The following BSDC1 variants were observed in gnomAD, a reference collection of about 807,000 sequenced individuals.
BSDC1 encodes BSD domain containing 1.
Under a neutral mutation model 56.0 loss-of-function variants are expected in BSDC1, and 29 were observed. The ratio of observed to expected loss-of-function variants is 0.52; its 90% confidence interval spans 0.39 to 0.71. The LOEUF (loss-of-function observed/expected upper bound fraction) is 0.71. Ranked by LOEUF, BSDC1 falls within the 30% of genes least tolerant of loss-of-function variation. The pLI, the probability that BSDC1 is intolerant of heterozygous loss-of-function variation, is 0.00. For synonymous variants in BSDC1, 210 were observed against 215.3 expected (o/e 0.98, Z 0.21); for missense variants, 477 against 548.5 (o/e 0.87, Z 1.30).
intron 10 of BSDC1, 102 bp downstream of exon 10, chr1:32,368,345 G>C: frequency 6.2e-7 from 1 of 1,613,952 alleles, no homozygotes; most frequent in African/African-American, 1.3e-5. Flanking sequence ...ACCTCAGACA[G>C]GAGCAGGGAC....
intron 9 of BSDC1, among the ~76,000 whole-genome samples, chr1:32,372,150 T>C (rs1642116145): frequency 6.6e-6 from 1 of 152,262 alleles, no homozygotes; most frequent in Non-Finnish European, 1.5e-5. Flanking sequence ...TAATGAATGG[T>C]GCTGCCTTTC....
chr1:32,379,486 G>A (rs1389053801), intron 5 of BSDC1, among the ~76,000 whole-genome samples: 2 of 151,984 alleles, frequency 1.3e-5, no homozygotes, highest in South Asian at 2.1e-4. Flanking sequence ...CAAACACACC[G>A]TGTGCTCATT....
chr1:32,367,677 C>T (rs1050345375), intron 10 of BSDC1: 1 of 985,552 alleles, frequency 1.0e-6, no homozygotes, highest in Non-Finnish European at 1.2e-6. Context: ...CTAAATGAGC[C>T]ACTTTTGATT....
intron 2 of BSDC1, among the ~76,000 whole-genome samples, chr1:32,393,024 T>G (rs1182881747): frequency 1.3e-5 from 2 of 152,174 alleles, no homozygotes; most frequent in Non-Finnish European, 2.9e-5. Context: ...AGACCGCACC[T>G]GTGCACTCCA....
At chr1:32,391,723 G>A (rs1423777825) in intron 2 of BSDC1, among the ~76,000 whole-genome samples, 1 of 152,126 alleles carries the variant, frequency 6.6e-6, no homozygotes, top group Non-Finnish European at 1.5e-5. Context: ...TGGTCTTCAG[G>A]GCAATGTGTT....
At chr1:32,377,518 G>A (rs1642336242) in intron 8 of BSDC1, among the ~76,000 whole-genome samples, 1 of 152,140 alleles carries the variant, frequency 6.6e-6, no homozygotes. Context: ...CATCCAGAAG[G>A]CTTCAACATG....
At chr1:32,388,401 A>G (rs1642745168) in intron 2 of BSDC1, among the ~76,000 whole-genome samples, 1 of 152,136 alleles carries the variant, frequency 6.6e-6, no homozygotes, top group Non-Finnish European at 1.5e-5. Context: ...GCACCATGAA[A>G]TTGTGCCCTG....
At position 32,366,219 on chromosome 1, in the gene BSDC1, A is replaced by G; in HGVS notation, c.*403T>C. The stretch of plus-strand genomic sequence containing the variant: ...CTGCCTGCTTATGTATGGACAGAGT[A>G]TGTTGTCTCAGCTTCCTCCGAGAGA... On this transcript the variant is annotated 3_prime_UTR_variant, in exon 11 of 11. Coordinates refer to ENST00000455895, the MANE Select transcript of BSDC1 (RefSeq NM_018045.8). 2.9e-6 allele frequency: 1 copy of G among 349,200 alleles called. No homozygotes were observed. The highest frequency in any genetic ancestry group is 2.4e-5 in the South Asian group (1 of 41,068). The allele number at this position is 349,200 out of a possible 1,614,324, so 21.6% of individuals were successfully genotyped here. A position where few individuals can be genotyped will look rare whatever the true frequency, so the allele number is the denominator to read the frequency against.
intron 10 of BSDC1, chr1:32,367,289 G>A: frequency 3.0e-6 from 3 of 985,438 alleles, no homozygotes; most frequent in Non-Finnish European, 3.6e-6. Flanking sequence ...GTTCTAGAAT[G>A]CTCACGTGTA....
chr1:32,385,716 G>A (rs372095943), intron 3 of BSDC1, among the ~76,000 whole-genome samples: 71 of 152,218 alleles, frequency 4.7e-4, no homozygotes, highest in African/African-American at 1.6e-3. Flanking sequence ...AAGAGAGAGA[G>A]ACCCCGTCTC....
intron 5 of BSDC1, among the ~76,000 whole-genome samples, chr1:32,380,408 G>T (rs1642440620): frequency 6.6e-6 from 1 of 152,148 alleles, no homozygotes; most frequent in African/African-American, 2.4e-5. Context: ...ATTTTTGGGA[G>T]GCTGAGACGG....
intron 9 of BSDC1, among the ~76,000 whole-genome samples, chr1:32,375,733 A>G (rs1244344938): frequency 1.3e-5 from 2 of 152,228 alleles, no homozygotes; most frequent in Non-Finnish European, 2.9e-5. Flanking sequence ...AAGCTGAATG[A>G]CTTTCCTAAG....
chr1:32,385,078 A>G (rs1253462807), intron 3 of BSDC1, among the ~76,000 whole-genome samples: 2 of 152,232 alleles, frequency 1.3e-5, no homozygotes, highest in East Asian at 3.8e-4. Context: ...AAGATAATTG[A>G]TTCAGCTGGT....
At chr1:32,380,305 C>T (rs914627033) in intron 5 of BSDC1, among the ~76,000 whole-genome samples, 4 of 152,198 alleles carry the variant, frequency 2.6e-5, no homozygotes, top group Admixed American at 6.5e-5. Flanking sequence ...GAATGCTCTT[C>T]CCGACTTCTC....
At chr1:32,377,826 C>T (rs921326128) in intron 8 of BSDC1, 144 bp downstream of exon 8, 7 of 636,000 alleles carry the variant, frequency 1.1e-5, no homozygotes, top group East Asian at 3.0e-5. Context: ...TTGTTAGCTC[C>T]GCCTATCCTC....
At position 32,387,930 on chromosome 1, in the gene BSDC1, TC is replaced by T. The variant is rs3835518; in HGVS notation, c.73-1036del. Among the ~76,000 whole-genome samples the T allele has an allele frequency of 2.3e-4, 35 of 152,332 alleles. No homozygotes were observed. The East Asian group carries it at 6.4e-3, about 28-fold the overall frequency. ...CTTGGAGGCCTTCTTGGTTCTACCA[TC>T]CCGAGGTTCTATTCATATACAAAGC... On this transcript the variant is annotated intron_variant, in intron 2 of 10. Transcript: ENST00000455895.
At chr1:32,393,265 C>G (rs965006600) in intron 2 of BSDC1, among the ~76,000 whole-genome samples, 10 of 152,238 alleles carry the variant, frequency 6.6e-5, no homozygotes, top group African/African-American at 2.2e-4. Flanking sequence ...CCCACTGGCA[C>G]AGCCAAATAT....
chr1:32,381,843 T>C (rs990831080), intron 4 of BSDC1, among the ~76,000 whole-genome samples: 1 of 152,194 alleles, frequency 6.6e-6, no homozygotes, highest in African/African-American at 2.4e-5. Context: ...TTATCAAACA[T>C]TTTCACAATT....
At chr1:32,381,916 C>A (rs143613875) in intron 4 of BSDC1, among the ~76,000 whole-genome samples, 2 of 152,308 alleles carry the variant, frequency 1.3e-5, no homozygotes, top group East Asian at 3.9e-4. Flanking sequence ...CTTGAAAAAT[C>A]AGTACTTTTG....
Sources: gnomAD v4.1 joint callset for allele counts (sites outside exome capture counted in the v4.1 genomes callset) on GRCh38, gnomAD v4.1.1 for gene constraint, MANE v1.5 for transcripts, NCBI Gene and HGNC (gene_info 2026-07-23, HGNC 2026-07-21) for gene names.